EML2: variants seen among roughly 807,000 people sequenced by gnomAD.
The protein encoded by EML2 is echinoderm microtubule-associated protein-like 2.
Under a neutral mutation model 84.7 loss-of-function variants are expected in EML2, and 59 were observed. The ratio of observed to expected loss-of-function variants is 0.70; its 90% CI spans 0.56 to 0.86. The LOEUF is 0.86. Among genes scored for constraint, EML2 ranks in the 40% least tolerant of loss-of-function variants. EML2 has a pLI of 0.00. For missense variants in EML2, 818 were observed against 855.6 expected (o/e 0.96, Z 0.55); for synonymous variants, 352 against 348.9 (o/e 1.01, Z -0.10).
upstream of EML2, chr19:45,641,430 C>T: frequency 7.0e-6 from 4 of 569,886 alleles, no homozygotes; most frequent in Non-Finnish European, 1.3e-5. Context: ...AAACTCTGGC[C>T]ACGCCCCTCA....
At chr19:45,641,766 G>A (rs748239462), upstream of EML2, 1 of 1,535,856 alleles carries the variant, frequency 6.5e-7, no homozygotes, top group Non-Finnish European at 8.7e-7. Context: ...AGAGCACACA[G>A]GTGGGGGCAG....
chr19:45,642,177 G>A (rs1386770414), upstream of EML2: 10 of 1,530,172 alleles, frequency 6.5e-6, no homozygotes, highest in African/African-American at 9.6e-5. Flanking sequence ...GGCCCTTGGG[G>A]GTGCCCCGCG....
At chr19:45,645,180 G>T, upstream of EML2, 2 of 1,351,966 alleles carry the variant, frequency 1.5e-6, no homozygotes, top group Non-Finnish European at 2.0e-6. Flanking sequence ...CAGCAAGGGA[G>T]GGGGTTGGGG....
upstream of EML2, chr19:45,643,537 C>A: frequency 6.5e-7 from 1 of 1,535,544 alleles, no homozygotes; most frequent in Non-Finnish European, 8.7e-7. Flanking sequence ...GGGCGGAGAC[C>A]GAAGTGGCCC....
At chr19:45,643,766 T>C (rs1974811574), upstream of EML2, 1 of 1,496,138 alleles carries the variant, frequency 6.7e-7, no homozygotes, top group African/African-American at 1.4e-5. Context: ...CGTAGCCCAA[T>C]CGCCTGCCGA....
Position 45,629,860 on chromosome 19 carries a change from C to T in EML2, c.606+91G>A, listed in dbSNP as rs150974761. On this transcript the variant is annotated intron_variant, in intron 7 of 18. Transcript: ENST00000245925. ...AAGGAGTAAAGCCAGGGCTTAAACA[C>T]GGGTCTATCTGATTGCAGACTCCTA... 588 of 1,018,436 alleles carry T rather than the reference C, an allele frequency of 5.8e-4. 5 individuals are homozygous for T. In the African/African-American group the frequency reaches 7.9e-3, roughly 14 times the overall value. The allele number at this position is 1,018,436 out of a possible 1,614,324, so 63.1% of individuals were successfully genotyped here.
upstream of EML2, chr19:45,642,157 G>A: frequency 6.6e-7 from 1 of 1,515,840 alleles, no homozygotes; most frequent in Non-Finnish European, 8.8e-7. Flanking sequence ...GCCTAAGCGC[G>A]GAGGCGCCCG....
intron 13 of EML2, 147 bp from the exon 14 acceptor site, chr19:45,617,000 C>A: frequency 3.1e-6 from 2 of 636,876 alleles, no homozygotes. Context: ...AATCCCAGCA[C>A]GCTGGGAGGC....
intron 4 of EML2, among the ~76,000 whole-genome samples, 169 bp downstream of exon 4, chr19:45,634,153 C>T (rs1973421994): frequency 6.6e-6 from 1 of 152,194 alleles, no homozygotes; most frequent in South Asian, 2.1e-4. Flanking sequence ...TCCACATTTT[C>T]CCACTAAATT....
intron 18 of EML2, among the ~76,000 whole-genome samples, chr19:45,613,207 C>T (rs1337439761): frequency 6.6e-6 from 1 of 152,092 alleles, no homozygotes; most frequent in African/African-American, 2.4e-5. Flanking sequence ...CCTTGGCCTC[C>T]CTTAAAAACT....
chr19:45,643,842 T>A, upstream of EML2: 1 of 1,298,128 alleles, frequency 7.7e-7, no homozygotes, highest in Non-Finnish European at 1.0e-6. Context: ...CAGAGGGAGG[T>A]GGGAGCCTCC....
At chr19:45,644,691 T>G (rs1974895499), upstream of EML2, 2 of 455,682 alleles carry the variant, frequency 4.4e-6, no homozygotes, top group Admixed American at 4.7e-5. Flanking sequence ...ACTCCCCTCT[T>G]CTCCTATCTC....
upstream of EML2, among the ~76,000 whole-genome samples, chr19:45,643,909 T>C (rs1363476194): frequency 6.6e-6 from 1 of 152,200 alleles, no homozygotes; most frequent in Non-Finnish European, 1.5e-5. Flanking sequence ...GGGAAACCTC[T>C]AGGGGTCTTG....
In EML2 at chr19:45,621,427, T is replaced by C. The variant is rs1971682698; in HGVS notation, c.996+56A>G. On this transcript the variant is annotated intron_variant, in intron 10 of 18. Coordinates refer to ENST00000245925, the MANE Select transcript of EML2 (RefSeq NM_012155.4). ...GAGGAGGGTCTGGCGTTGGGAGCCC[T>C]GGTGAGATCGGGGGGGGCCTCTCTA... is the stretch of plus-strand genomic sequence containing the variant. The C allele has an allele frequency of 4.4e-5, 69 of 1,583,952 alleles. No homozygotes were observed. The South Asian group carries it at 6.8e-4, about 16-fold the overall frequency.
chr19:45,638,403 T>G, intron 3 of EML2, 102 bp downstream of exon 3: 1 of 1,550,072 alleles, frequency 6.5e-7, no homozygotes, highest in Non-Finnish European at 8.8e-7. Context: ...CCTCAAACGA[T>G]CCTCCCAAAG....
At position 45,619,129 on chromosome 19, in the gene EML2, G is replaced by T. The variant is rs567005483; in HGVS notation, c.1185C>A (p.Cys395Ter). ...ATAGATGCACCAGCTTATCCTGCCCGCAGGTCACAAACTGGGCCCGACTGG... is the reference window on the plus strand; with the variant it reads ...ATAGATGCACCAGCTTATCCTGCCCTCAGGTCACAAACTGGGCCCGACTGG... ...THPSRAQFVTCGQDKLVHLWS... is the reference protein window; with the variant it reads ...THPSRAQFVT Residue 395 changes from cysteine (C) to a stop codon, truncating the protein, a stop_gained, in exon 12 of 19, where the codon TGC (cysteine) becomes TGA (stop). Transcript: ENST00000245925. LOFTEE classifies it high-confidence loss of function. The T allele has an allele frequency of 6.2e-7, 1 of 1,612,682 alleles. No homozygotes were observed. The highest frequency in any genetic ancestry group is 8.5e-7 in the Non-Finnish European group (1 of 1,179,700).
At position 45,632,969 on chromosome 19, in the gene EML2, C is replaced by A. The variant is rs780573115; in HGVS notation, c.402G>T (p.Pro134=). 3.1e-6 allele frequency: 5 copies of A among 1,613,658 alleles called. No homozygotes were observed. Among genetic ancestry groups the A allele is most frequent in the African/African-American group, 2.7e-5 (2 of 74,984 alleles). ...CCCAGATGCGCACGTGGGGCGGCAG[C>A]GGCTGCAGGGAAGAGAGGCTTGTTA... ...QVAGTTKEGK[P]LPPHVRIWDS... The change falls in exon 6 of 19, where the codon CCG becomes CCT. Residue 134 remains proline, a splice_region_variant and synonymous_variant. Coordinates refer to ENST00000245925, the MANE Select transcript of EML2 (RefSeq NM_012155.4).
intron 8 of EML2, among the ~76,000 whole-genome samples, chr19:45,626,381 T>C (rs1329985848): frequency 1.0e-4 from 3 of 29,474 alleles, no homozygotes; most frequent in African/African-American, 1.4e-4. Flanking sequence ...TCCTCACAAC[T>C]TTTTTTTTTT....
chr19:45,622,273 C>T (rs530762416), intron 9 of EML2, among the ~76,000 whole-genome samples: 9 of 152,112 alleles, frequency 5.9e-5, no homozygotes, highest in Non-Finnish European at 1.3e-4. Context: ...ATCACCCATC[C>T]ATCCACCAGA....
Sources: allele counts gnomAD v4.1 joint callset (sites outside exome capture counted in the v4.1 genomes callset), GRCh38; gene constraint gnomAD v4.1.1; transcripts MANE v1.5; gene names NCBI Gene and HGNC (gene_info 2026-07-23, HGNC 2026-07-21).